Variants in ZNF117 observed in about 807,000 individuals in gnomAD.
The protein encoded by ZNF117 is Krueppel-related zinc finger protein.
A neutral mutation model predicts 41.2 loss-of-function variants in ZNF117; 37 were observed. That is an observed-to-expected ratio of 0.90 (90% confidence interval 0.69 to 1.18). The LOEUF is 1.18. Among genes scored for constraint, ZNF117 ranks in the 50% most tolerant of loss-of-function variants. The pLI, the probability that ZNF117 is intolerant of heterozygous loss-of-function variation, is 0.00. For synonymous variants in ZNF117, 186 were observed against 186.6 expected, an observed-to-expected ratio of 1.00 and a Z score of 0.02; for missense variants, 546 against 557.5, an observed-to-expected ratio of 0.98 and a Z score of 0.21.
exon 3 of ZNF117, chr7:64,978,825 T>C (rs200394141): frequency 6.2e-7 from 1 of 1,613,622 alleles, no homozygotes; most frequent in Non-Finnish European, 8.5e-7. Context: ...TTCACATTCA[T>C]AACGTTTCTC....
exon 3 of ZNF117, chr7:64,976,630 C>T: frequency 1.1e-5 from 3 of 261,912 alleles, no homozygotes; most frequent in Non-Finnish European, 7.5e-6. Context: ...AAAGTTTTGC[C>T]ACATTCTTCA....
At chr7:64,989,478 T>A (rs1480619551) in intron 1 of ZNF117, among the ~76,000 whole-genome samples, 9 of 75,550 alleles carry the variant, frequency 1.2e-4, no homozygotes, top group Non-Finnish European at 2.2e-4. Flanking sequence ...TATATATATA[T>A]ATATATATAT....
exon 1 of ZNF117, chr7:64,990,486 C>T (rs187436553): frequency 6.2e-5 from 11 of 177,442 alleles, no homozygotes; most frequent in South Asian, 1.6e-4. Flanking sequence ...GGGTTTTTGG[C>T]GCAAAACCTG....
exon 3 of ZNF117, chr7:64,978,792 C>G (rs201310122): frequency 2.5e-6 from 4 of 1,612,906 alleles, no homozygotes; most frequent in Non-Finnish European, 3.4e-6. Context: ...TTTTGAGGAT[C>G]GGTTAAAAGC....
exon 3 of ZNF117, chr7:64,974,623 T>G (rs1785840749): frequency 6.6e-6 from 1 of 151,956 alleles, no homozygotes; most frequent in African/African-American, 2.4e-5. Flanking sequence ...TAACTCTATG[T>G]AAACCAATAC....
chr7:64,982,153 C>T, upstream of ZNF117: 4 of 723,698 alleles, frequency 5.5e-6, no homozygotes, highest in South Asian at 3.5e-5. Context: ...CACAAAATCA[C>T]ATACATTTAC....
chr7:64,978,688 G>C, exon 3 of ZNF117: 2 of 1,612,874 alleles, frequency 1.2e-6, no homozygotes, highest in East Asian at 2.2e-5. Flanking sequence ...ATTCTCTTAT[G>C]TGTAGTAAGG....
chr7:64,986,813 A>G (rs1417229896), upstream of ZNF117, among the ~76,000 whole-genome samples: 1 of 152,150 alleles, frequency 6.6e-6, no homozygotes, highest in Non-Finnish European at 1.5e-5. Context: ...GACCAGTTCT[A>G]AGAGATTTAT....
At chr7:64,977,128 C>G in exon 3 of ZNF117, 1 of 496,084 alleles carries the variant, frequency 2.0e-6, no homozygotes, top group Non-Finnish European at 4.1e-6. Context: ...AAAGCTTTAC[C>G]ACATTCTTTA....
exon 3 of ZNF117, chr7:64,977,405 C>G (rs1283330713): frequency 7.0e-6 from 3 of 429,658 alleles, no homozygotes; most frequent in Non-Finnish European, 1.4e-5. Context: ...TGTAAGGTTT[C>G]TCTCCTGTAT....
chr7:64,979,993 A>G (rs1169497232), intron 2 of ZNF117: 1 of 154,496 alleles, frequency 6.5e-6, no homozygotes, highest in Admixed American at 6.6e-5. Context: ...GCTGAAATTA[A>G]CAGTGGTATA....
chr7:64,985,950 C>CAAAAAAA (rs66524694), upstream of ZNF117, among the ~76,000 whole-genome samples: 98 of 81,484 alleles, frequency 1.2e-3, no homozygotes, highest in Middle Eastern at 0.015. Flanking sequence ...GACTCCATCT[C>CAAAAAAA]AAAAAAAAAA....
chr7:64,978,090 A>G (rs1785929758), exon 3 of ZNF117: 1 of 1,596,906 alleles, frequency 6.3e-7, no homozygotes, highest in South Asian at 1.1e-5. Flanking sequence ...TCCAGTATGA[A>G]TTTTCTTGTG....
At chr7:64,987,896 C>T (rs2129120875) in intron 1 of ZNF117, among the ~76,000 whole-genome samples, 1 of 150,466 alleles carries the variant, frequency 6.6e-6, no homozygotes, top group Admixed American at 6.6e-5. Context: ...CCTCCCAAGA[C>T]TGAACAAAAA....
chr7:64,990,642 T>C (rs1786243300), exon 1 of ZNF117: 3 of 152,234 alleles, frequency 2.0e-5, no homozygotes, highest in Non-Finnish European at 4.4e-5. Context: ...AAACAAGAAC[T>C]TACAAAATCT....
exon 3 of ZNF117, chr7:64,975,820 T>C (rs1785873882): frequency 6.6e-6 from 1 of 152,174 alleles, no homozygotes; most frequent in Admixed American, 6.5e-5. Context: ...GCCTTAGATA[T>C]TTCTACTGTG....
At chr7:64,986,330 GA>G (rs2129120560), upstream of ZNF117, among the ~76,000 whole-genome samples, 1 of 152,234 alleles carries the variant, frequency 6.6e-6, no homozygotes, top group African/African-American at 2.4e-5. Context: ...GAGATACTGA[GA>G]AGTACAAAAC....
At chr7:64,984,377 C>T (rs1376217789), upstream of ZNF117, among the ~76,000 whole-genome samples, 1 of 152,176 alleles carries the variant, frequency 6.6e-6, no homozygotes, top group Non-Finnish European at 1.5e-5. Flanking sequence ...AGTGACCCGC[C>T]TGCCTGGACC....
At chr7:64,989,486 T>TATATATATATATAC (rs1786213746) in intron 1 of ZNF117, among the ~76,000 whole-genome samples, 11 of 74,622 alleles carry the variant, frequency 1.5e-4, no homozygotes, top group Non-Finnish European at 3.2e-4. Flanking sequence ...TATATATATA[T>TATATATATATATAC]ATATATATAT....
Sources: gnomAD v4.1 joint callset for allele counts (sites outside exome capture counted in the v4.1 genomes callset) on GRCh38, gnomAD v4.1.1 for gene constraint, MANE v1.5 for transcripts, NCBI Gene and HGNC (gene_info 2026-07-23, HGNC 2026-07-21) for gene names.